A1CF: variants seen among roughly 807,000 people sequenced by gnomAD.
A1CF encodes APOBEC1 complementation factor, also known as APOBEC-1 stimulating protein.
A neutral mutation model predicts 68.9 loss-of-function variants in A1CF; 48 were observed. The observed-to-expected ratio is 0.70, with a 90% CI of 0.55 to 0.89. A1CF has a LOEUF of 0.89. Among genes scored for constraint, A1CF ranks in the 40% least tolerant of loss-of-function variants. The pLI is 0.00. For missense variants in A1CF, 653 were observed against 718.9 expected, an observed-to-expected ratio of 0.91 and a Z score of 1.05; for synonymous variants, 272 against 260.4, an observed-to-expected ratio of 1.04 and a Z score of -0.43.
At chr10:50,882,049 A>C (rs945593938) in intron 1 of A1CF, among the ~76,000 whole-genome samples, 2 of 152,250 alleles carry the variant, frequency 1.3e-5, no homozygotes, top group Admixed American at 1.3e-4. Flanking sequence ...GATTTTTTAC[A>C]AAAGGGCATG....
chr10:50,868,621 T>C (rs959613028), intron 1 of A1CF, among the ~76,000 whole-genome samples: 1 of 152,194 alleles, frequency 6.6e-6, no homozygotes, highest in African/African-American at 2.4e-5. Flanking sequence ...AATTTGGAAC[T>C]TGTCAATTTA....
intron 3 of A1CF, among the ~76,000 whole-genome samples, chr10:50,858,888 C>T (rs1358663980): frequency 1.3e-5 from 2 of 151,976 alleles, no homozygotes; most frequent in East Asian, 1.9e-4. Context: ...AAAAGACTAA[C>T]GCTCTTCATT....
In A1CF at chr10:50,842,303, T is replaced by C. The variant is rs114630814; in HGVS notation, c.235-311A>G. On this transcript the variant is annotated intron_variant, in intron 4 of 12. Transcript: ENST00000373997. Reference sequence around the variant, plus strand: ...TTTTATCACATAATTATCTGGAACATCTTAGAGACATGAAAACACATTTTA... The same window carrying C: ...TTTTATCACATAATTATCTGGAACACCTTAGAGACATGAAAACACATTTTA... 5.4e-3 allele frequency among the ~76,000 whole-genome samples: 823 copies of C among 152,328 alleles called. 9 individuals are homozygous for C. The highest frequency in any genetic ancestry group is 0.019 in the African/African-American group (808 of 41,580).
intron 1 of A1CF, among the ~76,000 whole-genome samples, chr10:50,870,142 C>A (rs1841181494): frequency 6.6e-6 from 1 of 151,832 alleles, no homozygotes; most frequent in Admixed American, 6.6e-5. Context: ...AAACATTTGT[C>A]TCTTCTTTAT....
intron 6 of A1CF, among the ~76,000 whole-genome samples, chr10:50,830,649 C>T (rs907704368): frequency 1.3e-5 from 2 of 152,110 alleles, no homozygotes. Flanking sequence ...ATCCTATGTT[C>T]ATGGATTGGA....
intron 1 of A1CF, among the ~76,000 whole-genome samples, chr10:50,866,518 A>G (rs918714718): frequency 2.0e-5 from 3 of 152,220 alleles, no homozygotes; most frequent in African/African-American, 7.2e-5. Flanking sequence ...CTCAGGTGCC[A>G]GTGGGTCCAG....
chr10:50,871,411 T>C (rs1227554360), intron 1 of A1CF, among the ~76,000 whole-genome samples: 1 of 151,928 alleles, frequency 6.6e-6, no homozygotes, highest in East Asian at 1.9e-4. Flanking sequence ...TTTGCTGATG[T>C]AAAAATATCA....
chr10:50,849,329 GA>G (rs1397662070), intron 3 of A1CF, among the ~76,000 whole-genome samples: 1 of 152,192 alleles, frequency 6.6e-6, no homozygotes, highest in Non-Finnish European at 1.5e-5. Context: ...CTGGAATTTA[GA>G]AAGCAGAATT....
chr10:50,867,204 A>C (rs539998301), intron 1 of A1CF, among the ~76,000 whole-genome samples: 57 of 152,232 alleles, frequency 3.7e-4, no homozygotes, highest in African/African-American at 1.4e-3. Context: ...CAATATATCA[A>C]AAACATACCT....
chr10:50,843,029 G>A (rs567018987), intron 4 of A1CF, among the ~76,000 whole-genome samples: 1 of 152,166 alleles, frequency 6.6e-6, no homozygotes, highest in African/African-American at 2.4e-5. Flanking sequence ...CTTTAAGAAG[G>A]GTTGCCCAAA....
intron 1 of A1CF, among the ~76,000 whole-genome samples, chr10:50,879,283 G>A (rs1841664948): frequency 6.6e-6 from 1 of 152,290 alleles, no homozygotes; most frequent in African/African-American, 2.4e-5. Flanking sequence ...ATGGGGAAAA[G>A]GGTATGTCCT....
At chr10:50,810,754 C>A (rs566948427) in intron 11 of A1CF, among the ~76,000 whole-genome samples, 1 of 152,276 alleles carries the variant, frequency 6.6e-6, no homozygotes, top group African/African-American at 2.4e-5. Flanking sequence ...TCAAGTGATC[C>A]AGCCAAGAAT....
chr10:50,816,264 G>C lies in A1CF; in HGVS notation c.883C>G (p.Pro295Ala), dbSNP rs760578603. The C allele has an allele frequency of 6.2e-7, 1 of 1,613,306 alleles. No individual in the cohort carries two copies. Among genetic ancestry groups the C allele is most frequent in the South Asian group, 1.1e-5 (1 of 91,054 alleles). ...ALNGKVLDGSPIEVTLAKPVD... is the reference protein window; with the variant it reads ...ALNGKVLDGSAIEVTLAKPVD... ...GGTTTTGCTAGGGTGACTTCAATGG[G>C]GGAACCATCCAGCACCTGTTGTAGA... The change falls in exon 9 of 13, where the codon CCC (proline) becomes GCC (alanine). Residue 295 changes from proline (P) to alanine (A), a missense_variant. Coordinates refer to ENST00000373997, the MANE Select transcript of A1CF (RefSeq NM_014576.4).
rs756492205 is a variant in A1CF, at chr10:50,800,605, A to G, written c.*6124T>C. ...GTTTCTGGTATAAGAGTAGGTGCAT[A>G]GTAAACACAGGCTGATCATATATTC... On this transcript the variant is annotated 3_prime_UTR_variant, in exon 13 of 13. Transcript: ENST00000373997. 3.9e-5 allele frequency: 6 copies of G among 152,184 alleles called. No individual in the cohort carries two copies. Among genetic ancestry groups the G allele is most frequent in the Non-Finnish European group, 7.4e-5 (5 of 68,026 alleles). The allele number at this position is 152,184 out of a possible 1,614,324, so 9.4% of individuals were successfully genotyped here.
rs540251233 is a variant in A1CF at position 50,858,776 on chromosome 10, A to C, written c.99+1066T>G. Among the ~76,000 whole-genome samples the C allele has an allele frequency of 2.0e-5, 3 of 152,244 alleles. No homozygotes were observed. In the East Asian group the frequency reaches 5.8e-4, roughly 29 times the overall value. The stretch of plus-strand genomic sequence containing the variant: ...AGTTTAATGAGTCTAAAATAATTTG[A>C]ATTTTAAGTATTAAAAAAACTAATA... On this transcript the variant is annotated intron_variant, in intron 3 of 12. Coordinates refer to ENST00000373997, the MANE Select transcript of A1CF (RefSeq NM_014576.4).
At chr10:50,863,353 A>ATCT (rs1840834342) in intron 2 of A1CF, among the ~76,000 whole-genome samples, 1 of 152,332 alleles carries the variant, frequency 6.6e-6, no homozygotes, top group Admixed American at 6.5e-5. Context: ...TTTGCAATAC[A>ATCT]TCTTCTAATT....
chr10:50,815,812 G>A (rs773670660), intron 9 of A1CF, among the ~76,000 whole-genome samples, 194 bp downstream of exon 9: 4 of 152,148 alleles, frequency 2.6e-5, no homozygotes, highest in Non-Finnish European at 2.9e-5. Flanking sequence ...TTCTGATGAC[G>A]TTTTTTCAAT....
intron 11 of A1CF, among the ~76,000 whole-genome samples, 169 bp downstream of exon 11, chr10:50,810,871 A>C (rs1838075815): frequency 6.6e-6 from 1 of 152,176 alleles, no homozygotes; most frequent in Non-Finnish European, 1.5e-5. Context: ...GGGCCTTTAT[A>C]TGCTGGTTTC....
chr10:50,828,798 G>A (rs1255421832), intron 6 of A1CF, among the ~76,000 whole-genome samples: 2 of 152,130 alleles, frequency 1.3e-5, no homozygotes, highest in Non-Finnish European at 2.9e-5. Context: ...GGGCAAAGGT[G>A]GGTGGGACTC....
Sources: allele counts gnomAD v4.1 joint callset (sites outside exome capture counted in the v4.1 genomes callset), GRCh38; gene constraint gnomAD v4.1.1; transcripts MANE v1.5; gene names NCBI Gene and HGNC (gene_info 2026-07-23, HGNC 2026-07-21).